OTUD7B: variants seen among roughly 807,000 people sequenced by gnomAD.
The protein encoded by OTUD7B is OTU domain-containing protein 7B.
OTUD7B carries 34 observed loss-of-function variants against 82.2 expected under a neutral mutation model. The observed-to-expected ratio is 0.41, with a 90% CI of 0.31 to 0.55. OTUD7B has a LOEUF of 0.55. Ranked by LOEUF, OTUD7B falls within the 20% of genes least tolerant of loss-of-function variation. The pLI is 0.20. For synonymous variants in OTUD7B, 398 were observed against 402.7 expected (o/e 0.99, Z 0.14); for missense variants, 944 against 1,062.1 (o/e 0.89, Z 1.55).
At chr1:149,971,350 T>C in intron 2 of OTUD7B, 99 bp from the exon 3 acceptor site, 1 of 681,060 alleles carries the variant, frequency 1.5e-6, no homozygotes. Flanking sequence ...CAAATACGCA[T>C]GCACATAATC....
In OTUD7B at chr1:149,939,860, C is replaced by G. The variant is rs1244967913; in HGVS notation, c.*3997G>C. ...AGGAGAATCACTTGAACCCAGGAGA[C>G]GGTGGTTGGAGTGAGCCGAGATTGC... On this transcript the variant is annotated 3_prime_UTR_variant, in exon 12 of 12. Coordinates refer to ENST00000581312, the MANE Select transcript of OTUD7B (RefSeq NM_020205.4). The G allele has an allele frequency of 6.6e-6, 1 of 151,672 alleles. No individual in the cohort carries two copies. The highest frequency in any genetic ancestry group is 2.1e-4 in the South Asian group (1 of 4,794). The allele number at this position is 151,672 out of a possible 1,614,324, so 9.4% of individuals were successfully genotyped here.
chr1:149,975,682 TC>T (rs1650255563), intron 2 of OTUD7B, among the ~76,000 whole-genome samples: 1 of 152,022 alleles, frequency 6.6e-6, no homozygotes, highest in Non-Finnish European at 1.5e-5. Context: ...AGGTGACAAG[TC>T]AGGCCTGGCT....
the OTUD7B span, among the ~76,000 whole-genome samples, chr1:150,032,590 T>C: frequency 2.5e-4 from 38 of 151,396 alleles, no homozygotes; most frequent in African/African-American, 9.0e-4. Flanking sequence ...AGACATGATC[T>C]TGCCACTGTA....
the OTUD7B span, among the ~76,000 whole-genome samples, chr1:150,050,035 G>T: frequency 6.6e-6 from 1 of 152,020 alleles, no homozygotes; most frequent in Non-Finnish European, 1.5e-5. Flanking sequence ...AGAACAGTGA[G>T]ACCCCCATCT....
chr1:149,994,606 A>ACC (rs782787524), intron 1 of OTUD7B, among the ~76,000 whole-genome samples: 2 of 96,730 alleles, frequency 2.1e-5, no homozygotes, highest in African/African-American at 4.4e-5. Context: ...AAAAAAAAAA[A>ACC]CCCAATTTTT....
chr1:150,033,862 C>CT, the OTUD7B span, among the ~76,000 whole-genome samples: 62 of 152,242 alleles, frequency 4.1e-4, no homozygotes, highest in African/African-American at 1.4e-3. Flanking sequence ...GCTGGGACTA[C>CT]AGGTGTGCGC....
chr1:149,986,531 G>A (rs180778450), intron 1 of OTUD7B, among the ~76,000 whole-genome samples: 88 of 152,234 alleles, frequency 5.8e-4, no homozygotes, highest in Admixed American at 1.4e-3. Context: ...ACTACTGACC[G>A]TACATTCTCT....
intron 3 of OTUD7B, among the ~76,000 whole-genome samples, chr1:149,968,884 T>A (rs968730617): frequency 6.6e-6 from 1 of 151,984 alleles, no homozygotes; most frequent in South Asian, 2.1e-4. Context: ...CTAATTTTTT[T>A]TTTTATTTTA....
chr1:150,010,218 G>T (rs1553787041), intron 1 of OTUD7B, among the ~76,000 whole-genome samples: 1 of 152,160 alleles, frequency 6.6e-6, no homozygotes, highest in Non-Finnish European at 1.5e-5. Context: ...GAGCTGGAGA[G>T]CGCGGGGTAG....
chr1:150,033,772 AGT>A, the OTUD7B span, among the ~76,000 whole-genome samples: 1 of 152,128 alleles, frequency 6.6e-6, no homozygotes, highest in Non-Finnish European at 1.5e-5. Context: ...ACCAGACTGG[AGT>A]ATAGTGGCGC....
chr1:150,016,698 C>T, the OTUD7B span, among the ~76,000 whole-genome samples: 3 of 152,070 alleles, frequency 2.0e-5, no homozygotes, highest in African/African-American at 2.4e-5. Context: ...GTGATCCACC[C>T]GCCTTGGCCT....
At chr1:150,055,040 C>CA in the OTUD7B span, 1 of 56,270 alleles carries the variant, frequency 1.8e-5, no homozygotes, top group Non-Finnish European at 3.3e-5. Context: ...TTCTAAATTT[C>CA]CTTTTTTTTT....
At chr1:150,060,677 G>A in the OTUD7B span, among the ~76,000 whole-genome samples, 18 of 152,138 alleles carry the variant, frequency 1.2e-4, no homozygotes, top group Non-Finnish European at 2.5e-4. Flanking sequence ...GAGGCTGAAG[G>A]TTGACTTTCC....
the OTUD7B span, among the ~76,000 whole-genome samples, chr1:150,039,915 T>A: frequency 6.6e-6 from 1 of 152,230 alleles, no homozygotes; most frequent in African/African-American, 2.4e-5. Flanking sequence ...TGTCTTAGAT[T>A]ACCTCTATTG....
At chr1:149,958,462 G>A (rs1457733949) in intron 7 of OTUD7B, among the ~76,000 whole-genome samples, 2 of 150,288 alleles carry the variant, frequency 1.3e-5, no homozygotes, top group South Asian at 4.2e-4. Flanking sequence ...CGAGTAGCTG[G>A]GATTACAGCC....
chr1:150,039,314 T>C, the OTUD7B span, among the ~76,000 whole-genome samples: 2 of 152,202 alleles, frequency 1.3e-5, no homozygotes, highest in East Asian at 3.8e-4. Flanking sequence ...TAATGATTAA[T>C]TGAGAGATTA....
chr1:150,045,656 T>A, the OTUD7B span, among the ~76,000 whole-genome samples: 1 of 152,216 alleles, frequency 6.6e-6, no homozygotes, highest in African/African-American at 2.4e-5. Flanking sequence ...TTCTTGTAAC[T>A]TATGGCCATC....
At chr1:150,034,812 G>A in the OTUD7B span, among the ~76,000 whole-genome samples, 26 of 151,930 alleles carry the variant, frequency 1.7e-4, no homozygotes, top group African/African-American at 3.4e-4. Context: ...TGAACATTGC[G>A]GCTTTATTAT....
chr1:149,977,536 C>T lies in OTUD7B; in HGVS notation c.-26G>A, dbSNP rs115159386. 3,243 of 1,576,736 alleles carry T rather than the reference C, an allele frequency of 2.1e-3. 73 individuals are homozygous for T. The African/African-American group carries it at 0.04, about 20-fold the overall frequency. On this transcript the variant is annotated 5_prime_UTR_variant, in exon 2 of 12. Coordinates refer to ENST00000581312, the MANE Select transcript of OTUD7B (RefSeq NM_020205.4). ...GTGATCCTCAAGTACTTTCAGCCAG[C>T]TGGATGTAGGTAGAACATAGATCAA...
Sources: allele counts gnomAD v4.1 joint callset (sites outside exome capture counted in the v4.1 genomes callset), GRCh38; gene constraint gnomAD v4.1.1; transcripts MANE v1.5; gene names NCBI Gene and HGNC (gene_info 2026-07-23, HGNC 2026-07-21).